Variants in DPP10 observed in about 807,000 individuals in gnomAD.
The protein encoded by DPP10 is dipeptidyl peptidase like 10.
A neutral mutation model predicts 120.9 loss-of-function variants in DPP10; 33 were observed. The ratio of observed to expected loss-of-function variants is 0.27; its 90% confidence interval spans 0.21 to 0.37. DPP10 has a LOEUF of 0.37. Ranked by LOEUF, DPP10 falls within the 10% of genes least tolerant of loss-of-function variation. The pLI is 1.00. For synonymous variants in DPP10, 337 were observed against 326.1 expected, an observed-to-expected ratio of 1.03 and a Z score of -0.36; for missense variants, 816 against 942.8, an observed-to-expected ratio of 0.87 and a Z score of 1.76.
intron 3 of DPP10, among the ~76,000 whole-genome samples, chr2:115,484,941 C>T (rs910073446): frequency 1.3e-5 from 2 of 152,008 alleles, no homozygotes; most frequent in East Asian, 1.9e-4. Flanking sequence ...TATCGTGTCA[C>T]GTGCCTGTAG....
intron 1 of DPP10, among the ~76,000 whole-genome samples, chr2:115,200,186 A>G (rs1031580199): frequency 5.3e-5 from 8 of 152,162 alleles, no homozygotes; most frequent in East Asian, 1.9e-4. Flanking sequence ...GCTGAACTCT[A>G]TCTTCTCTGA....
chr2:114,497,280 CGTGT>C (rs1558813942), intron 1 of DPP10, among the ~76,000 whole-genome samples: 1,709 of 49,950 alleles, frequency 0.034, 88 homozygotes, highest in African/African-American at 0.11. Context: ...TACATGTATA[CGTGT>C]ATACATGTAC....
intron 1 of DPP10, among the ~76,000 whole-genome samples, chr2:114,904,879 C>T (rs565833292): frequency 2.0e-5 from 3 of 152,210 alleles, no homozygotes; most frequent in East Asian, 1.9e-4. Flanking sequence ...GGGCAGAACT[C>T]GCTAGCAGAG....
intron 1 of DPP10, among the ~76,000 whole-genome samples, chr2:115,193,498 T>C (rs1223533034): frequency 6.6e-6 from 1 of 152,244 alleles, no homozygotes; most frequent in Non-Finnish European, 1.5e-5. Context: ...GCTTTTCTGA[T>C]GTCCAGGGCC....
chr2:115,458,406 CT>C (rs2073750750), intron 3 of DPP10, among the ~76,000 whole-genome samples: 1 of 152,106 alleles, frequency 6.6e-6, no homozygotes, highest in South Asian at 2.1e-4. Context: ...TTAGACACTA[CT>C]TTTGATCGAA....
intron 4 of DPP10, among the ~76,000 whole-genome samples, chr2:115,517,645 T>C (rs981937185): frequency 5.3e-5 from 8 of 152,206 alleles, no homozygotes; most frequent in African/African-American, 1.7e-4. Context: ...TTATTGTTTA[T>C]CTTACATTTA....
At chr2:115,694,123 C>A (rs1575542792) in intron 7 of DPP10, among the ~76,000 whole-genome samples, 1 of 151,926 alleles carries the variant, frequency 6.6e-6, no homozygotes, top group Non-Finnish European at 1.5e-5. Flanking sequence ...TGAGTGCATG[C>A]AAACATAAAT....
intron 1 of DPP10, among the ~76,000 whole-genome samples, chr2:115,016,849 C>T (rs1365403570): frequency 1.3e-5 from 2 of 151,960 alleles, no homozygotes; most frequent in Non-Finnish European, 2.9e-5. Flanking sequence ...AAATGTGGCA[C>T]ATATACACCA....
chr2:114,556,185 T>A (rs1333360424), intron 1 of DPP10, among the ~76,000 whole-genome samples: 1 of 144,026 alleles, frequency 6.9e-6, no homozygotes, highest in African/African-American at 2.6e-5. Context: ...GAGAGGGTGG[T>A]GACTTGAACT....
At chr2:115,703,945 T>G (rs2091993851) in intron 7 of DPP10, among the ~76,000 whole-genome samples, 1 of 152,002 alleles carries the variant, frequency 6.6e-6, no homozygotes, top group Non-Finnish European at 1.5e-5. Flanking sequence ...GTAGCTTATT[T>G]TCTAAAATTT....
At chr2:114,570,488 C>G (rs1194284291) in intron 1 of DPP10, among the ~76,000 whole-genome samples, 2 of 152,142 alleles carry the variant, frequency 1.3e-5, no homozygotes, top group East Asian at 3.9e-4. Context: ...AATGTGTCCA[C>G]AGTAGGCAGA....
At chr2:115,279,645 T>C (rs1284155624) in intron 1 of DPP10, among the ~76,000 whole-genome samples, 23 of 144,654 alleles carry the variant, frequency 1.6e-4, no homozygotes, top group Admixed American at 5.8e-4. Context: ...TTCTTTCTTT[T>C]TTTCTTCTTC....
intron 1 of DPP10, among the ~76,000 whole-genome samples, chr2:114,640,371 TCCTTGC>T (rs1695615561): frequency 6.6e-6 from 1 of 151,986 alleles, no homozygotes; most frequent in Non-Finnish European, 1.5e-5. Context: ...CAGCTTATCT[TCCTTGC>T]CCATTTTATT....
intron 1 of DPP10, among the ~76,000 whole-genome samples, chr2:114,907,256 A>C (rs559300588): frequency 6.6e-6 from 1 of 152,018 alleles, no homozygotes; most frequent in African/African-American, 2.4e-5. Context: ...CAGAGAACCA[A>C]ATTAGATTTT....
intron 1 of DPP10, among the ~76,000 whole-genome samples, chr2:115,273,879 T>C (rs1394201790): frequency 2.0e-5 from 3 of 152,238 alleles, no homozygotes; most frequent in Admixed American, 1.3e-4. Flanking sequence ...AATAATGCCA[T>C]GTGCTTTTAC....
Position 115,012,274 on chromosome 2 carries a change from T to A in DPP10, c.61-296965T>A, listed in dbSNP as rs147975318. ...GGCCCTGTCTACCACCTGAGGAACCTGAATACTGAACCAGGTGTCCCTAGG... is the reference window on the plus strand; with the variant it reads ...GGCCCTGTCTACCACCTGAGGAACCAGAATACTGAACCAGGTGTCCCTAGG... On this transcript the variant is annotated intron_variant, in intron 1 of 25. Transcript: ENST00000410059. Among the ~76,000 whole-genome samples the A allele has an allele frequency of 6.7e-3, 1,027 of 152,234 alleles. 7 individuals are homozygous for A. Among genetic ancestry groups the A allele is most frequent in the Non-Finnish European group, 9.2e-3 (623 of 68,010 alleles).
chr2:114,646,125 A>G (rs1336305548), intron 1 of DPP10, among the ~76,000 whole-genome samples: 1 of 151,704 alleles, frequency 6.6e-6, no homozygotes, highest in Non-Finnish European at 1.5e-5. Flanking sequence ...GTGTCACTGC[A>G]CTCCAGCCTG....
chr2:115,025,945 T>C (rs1703430430), intron 1 of DPP10, among the ~76,000 whole-genome samples: 1 of 152,110 alleles, frequency 6.6e-6, no homozygotes, highest in Non-Finnish European at 1.5e-5. Context: ...GGTTACTCTG[T>C]AAATATCTTC....
chr2:114,451,369 TG>T (rs1678265792), intron 1 of DPP10, among the ~76,000 whole-genome samples: 1 of 152,126 alleles, frequency 6.6e-6, no homozygotes, highest in Admixed American at 6.6e-5. Context: ...TGATAGCTTT[TG>T]TTTTTGAAGA....
Sources: allele counts gnomAD v4.1 joint callset (sites outside exome capture counted in the v4.1 genomes callset), GRCh38; gene constraint gnomAD v4.1.1; transcripts MANE v1.5; gene names NCBI Gene and HGNC (gene_info 2026-07-23, HGNC 2026-07-21).